Variants in NPHP4 observed in about 807,000 individuals in gnomAD.
NPHP4 encodes nephrocystin 4, also known as nephrocystin-4.
A neutral mutation model predicts 155.8 loss-of-function variants in NPHP4; 151 were observed. The observed-to-expected ratio is 0.97, with a 90% confidence interval of 0.85 to 1.11. NPHP4 has a LOEUF of 1.11. NPHP4 is among the 50% of genes least tolerant of loss of function. NPHP4 has a pLI of 0.00. For missense variants in NPHP4, 1,956 were observed against 1,925.7 expected (o/e 1.02, Z -0.29); for synonymous variants, 845 against 816.8 (o/e 1.03, Z -0.59).
chr1:5,943,980 G>C (rs1439520278), intron 9 of NPHP4, among the ~76,000 whole-genome samples: 1 of 152,162 alleles, frequency 6.6e-6, no homozygotes, highest in Non-Finnish European at 1.5e-5. Context: ...GGTGCAGGGA[G>C]CGCACCACAT....
At chr1:5,888,245 G>A in intron 17 of NPHP4, 1 of 762,840 alleles carries the variant, frequency 1.3e-6, no homozygotes, top group Non-Finnish European at 1.6e-6. Flanking sequence ...TCAGCACTCT[G>A]CCCGAACGCC....
At chr1:5,957,235 A>C (rs1649416415) in intron 6 of NPHP4, among the ~76,000 whole-genome samples, 1 of 152,252 alleles carries the variant, frequency 6.6e-6, no homozygotes, top group African/African-American at 2.4e-5. Context: ...CCACTCTACA[A>C]CAATCCATTT....
chr1:5,864,685 T>C, intron 27 of NPHP4, 168 bp from the exon 28 acceptor site: 1 of 590,094 alleles, frequency 1.7e-6, no homozygotes, highest in Admixed American at 3.2e-5. Flanking sequence ...TGGCCGCGAC[T>C]TGGGTCCACA....
chr1:5,865,171 G>T lies in NPHP4; in HGVS notation c.3747C>A (p.Ser1249=), dbSNP rs750778789. The change falls in exon 27 of 30, where the codon TCC becomes TCA. Residue 1249 remains serine (S), a synonymous_variant. Transcript: ENST00000378156. The part of the protein sequence containing the change: ...SCVAGQLTRL[S]LVLRGTQTVR... ...CTGTCTGTGTCCCCCGAAGGACAAG[G>T]GACAGGCGGGTCAGCTGGCCTGCGA... The T allele has an allele frequency of 2.5e-6, 4 of 1,613,190 alleles. No homozygotes were observed. In the South Asian group the frequency reaches 4.4e-5, roughly 18 times the overall value.
intron 11 of NPHP4, among the ~76,000 whole-genome samples, chr1:5,913,498 T>C (rs1645296933): frequency 6.6e-6 from 1 of 152,242 alleles, no homozygotes; most frequent in Admixed American, 6.5e-5. Flanking sequence ...AAATGTCTAC[T>C]TTTCTGTCAA....
chr1:5,923,923 C>T (rs1319318535), intron 11 of NPHP4, among the ~76,000 whole-genome samples: 1 of 152,142 alleles, frequency 6.6e-6, no homozygotes, highest in East Asian at 1.9e-4. Context: ...CAAAACTGAT[C>T]CTGAACTGAC....
At chr1:5,864,562 G>A (rs904343469) in intron 27 of NPHP4, 45 bp from the exon 28 acceptor site, 18 of 1,446,910 alleles carry the variant, frequency 1.2e-5, no homozygotes, top group Non-Finnish European at 1.6e-5. Context: ...CTCTCAGGAT[G>A]TGCAAGCAAG....
Position 5,963,694 on chromosome 1 carries a change from T to C in NPHP4, c.518-1745A>G, listed in dbSNP as rs1340728016. Among the ~76,000 whole-genome samples the C allele has an allele frequency of 4.7e-5, 7 of 149,602 alleles. No individual in the cohort carries two copies. The East Asian group carries it at 9.8e-4, about 21-fold the overall frequency. On this transcript the variant is annotated intron_variant, in intron 5 of 29. Transcript: ENST00000378156. The stretch of plus-strand genomic sequence containing the variant: ...GGTTTCCAACCTTTTCTTTTCTTTT[T>C]TTTTTTTTTTTTTGAGACAGAATCT...
chr1:5,883,026 G>T (rs917105580), intron 18 of NPHP4, among the ~76,000 whole-genome samples: 2 of 152,206 alleles, frequency 1.3e-5, no homozygotes, highest in African/African-American at 4.8e-5. Context: ...CTCCCGGTGA[G>T]AAGGGCACTC....
rs1318593937 is a variant in NPHP4 at position 5,978,418 on chromosome 1, G to A, written c.136-5C>T. 3.8e-6 allele frequency: 6 copies of A among 1,597,790 alleles called. No individual in the cohort carries two copies. The highest frequency in any genetic ancestry group is 1.3e-5 in the African/African-American group (1 of 74,530). On this transcript the variant is annotated splice_region_variant and splice_polypyrimidine_tract_variant and intron_variant, in intron 2 of 29. Coordinates refer to ENST00000378156, the MANE Select transcript of NPHP4 (RefSeq NM_015102.5). ...TGACAGTACCTCCAGCACGCCCTAG[G>A]AGACAACGGGGAATTGACCCTCAAG...
intron 4 of NPHP4, 32 bp from the exon 5 acceptor site, chr1:5,967,395 G>C (rs1443832077): frequency 1.3e-6 from 2 of 1,554,172 alleles, no homozygotes; most frequent in African/African-American, 2.7e-5. Context: ...ACAGTCGTCA[G>C]CCACGTGCGC....
intron 10 of NPHP4, among the ~76,000 whole-genome samples, chr1:5,929,969 C>T (rs1272714901): frequency 6.6e-6 from 1 of 152,134 alleles, no homozygotes; most frequent in African/African-American, 2.4e-5. Flanking sequence ...ATGAATTCAA[C>T]TTACATATTA....
chr1:5,871,423 G>A (rs747376098), intron 23 of NPHP4, among the ~76,000 whole-genome samples: 6 of 152,174 alleles, frequency 3.9e-5, no homozygotes, highest in South Asian at 2.1e-4. Flanking sequence ...CTGCTAGGAC[G>A]CAGCTCATTT....
intron 3 of NPHP4, among the ~76,000 whole-genome samples, chr1:5,973,249 C>T (rs1488524599): frequency 6.6e-6 from 1 of 152,230 alleles, no homozygotes; most frequent in Admixed American, 6.5e-5. Context: ...TGTCTGAAGT[C>T]CCACTGGGAT....
intron 16 of NPHP4, among the ~76,000 whole-genome samples, chr1:5,902,551 G>A (rs1644730867): frequency 6.6e-6 from 1 of 152,184 alleles, no homozygotes; most frequent in African/African-American, 2.4e-5. Context: ...CAACTGTTTG[G>A]TTGACCCGTT....
intron 5 of NPHP4, among the ~76,000 whole-genome samples, chr1:5,964,557 G>A (rs780012850): frequency 9.2e-5 from 14 of 152,116 alleles, no homozygotes; most frequent in Non-Finnish European, 1.3e-4. Context: ...TATGATCTGC[G>A]TCAATGTGCC....
At position 5,890,509 on chromosome 1, in the gene NPHP4, T is replaced by C. The variant is rs1644065411; in HGVS notation, c.2304+359A>G. On this transcript the variant is annotated intron_variant, in intron 17 of 29. Transcript: ENST00000378156. The surrounding 1 kb of genome is among the most constrained non-coding windows in gnomAD (Gnocchi z 4.9). The stretch of plus-strand genomic sequence containing the variant: ...ACACTGCACACCCCAGTCATTCGCG[T>C]ATCCATTCATTCATCCTCAACCCAC... Among the ~76,000 whole-genome samples, 1 of 152,188 alleles carries C rather than the reference T, an allele frequency of 6.6e-6. No individual in the cohort carries two copies. The highest frequency in any genetic ancestry group is 2.4e-5 in the African/African-American group (1 of 41,446).
intron 9 of NPHP4, among the ~76,000 whole-genome samples, chr1:5,937,035 G>A (rs35685456): frequency 0.21 from 31,465 of 152,186 alleles, 3,797 homozygotes; most frequent in African/African-American, 0.34. Flanking sequence ...TATGGCCACA[G>A]GCCAAGGACA....
chr1:5,958,867 A>AAAAAAAG (rs1210739267), intron 6 of NPHP4, among the ~76,000 whole-genome samples: 1 of 151,232 alleles, frequency 6.6e-6, no homozygotes, highest in Non-Finnish European at 1.5e-5. Context: ...AAAAAAAAAA[A>AAAAAAAG]AAAAAAGAAT....
Sources: allele counts gnomAD v4.1 joint callset (sites outside exome capture counted in the v4.1 genomes callset), GRCh38; gene constraint gnomAD v4.1.1; non-coding constraint Gnocchi (gnomAD v3.1); transcripts MANE v1.5; gene names NCBI Gene and HGNC (gene_info 2026-07-23, HGNC 2026-07-21).